The following TBC1D15 variants were observed in gnomAD, a reference collection of about 807,000 sequenced individuals.
The protein encoded by TBC1D15 is GAP for RAB7.
Under a neutral mutation model 95.4 loss-of-function variants are expected in TBC1D15, and 39 were observed. The observed-to-expected ratio is 0.41, with a 90% confidence interval of 0.32 to 0.53. The LOEUF is 0.53. Ranked by LOEUF, TBC1D15 falls within the 20% of genes least tolerant of loss-of-function variation. The pLI is 0.29. For synonymous variants in TBC1D15, 258 were observed against 261.3 expected (o/e 0.99, Z 0.12); for missense variants, 733 against 794.3 (o/e 0.92, Z 0.93).
At chr12:71,894,401 G>A (rs1447874011) in intron 6 of TBC1D15, 3 of 1,610,156 alleles carry the variant, frequency 1.9e-6, no homozygotes, top group South Asian at 2.2e-5. Flanking sequence ...GTTTTCTGAT[G>A]TATGCAGATT....
intron 16 of TBC1D15, 44 bp from the exon 17 acceptor site, chr12:71,922,939 C>T: frequency 6.3e-7 from 1 of 1,574,970 alleles, no homozygotes; most frequent in South Asian, 1.1e-5. Flanking sequence ...GTTATTTTTC[C>T]TCTGTAGTGA....
intron 6 of TBC1D15, chr12:71,894,322 A>T (rs758446477): frequency 1.2e-6 from 2 of 1,611,796 alleles, no homozygotes; most frequent in African/African-American, 2.7e-5. Context: ...TTTTTGTATG[A>T]AGGCAGGACT....
At chr12:71,913,950 T>G in intron 12 of TBC1D15, 24 bp downstream of exon 12, 1 of 1,516,966 alleles carries the variant, frequency 6.6e-7, no homozygotes, top group Non-Finnish European at 8.9e-7. Flanking sequence ...TTCCTTCCAT[T>G]AAACTGATTT....
At chr12:71,848,482 A>T (rs1004147755) in intron 1 of TBC1D15, among the ~76,000 whole-genome samples, 7 of 152,044 alleles carry the variant, frequency 4.6e-5, no homozygotes, top group African/African-American at 1.7e-4. Context: ...CTGTCCTTGT[A>T]TCTTCTTTGA....
rs557510655 is a variant in TBC1D15, at chr12:71,879,537, T to C, written c.205-932T>C. 2.0e-5 allele frequency among the ~76,000 whole-genome samples: 3 copies of C among 152,366 alleles called. No homozygotes were observed. In the East Asian group the frequency reaches 5.8e-4, roughly 29 times the overall value. On this transcript the variant is annotated intron_variant, in intron 3 of 16. Transcript: ENST00000485960. Reference sequence around the variant, plus strand: ...TTTAGAAAGACCTAGTTTGTCCTCCTGTGTCAGTAGTAATGAGCACTGTCA... The same window carrying C: ...TTTAGAAAGACCTAGTTTGTCCTCCCGTGTCAGTAGTAATGAGCACTGTCA...
intron 14 of TBC1D15, 28 bp downstream of exon 14, chr12:71,918,576 TG>T: frequency 7.5e-7 from 1 of 1,327,622 alleles, no homozygotes; most frequent in Non-Finnish European, 1.1e-6. Flanking sequence ...TATGCAAATG[TG>T]ATATTTATTA....
rs891065437 is a variant in TBC1D15 at position 71,923,887 on chromosome 12, CGACTT to C, written c.*686_*690del. Reference sequence around the variant, plus strand: ...GGCATATTTTCATTAACTGAATAAACGACTTGATTTATATAACCTGGTTTATCAAA... The same window carrying C: ...GGCATATTTTCATTAACTGAATAAACGATTTATATAACCTGGTTTATCAAA... On this transcript the variant is annotated 3_prime_UTR_variant, in exon 17 of 17. Coordinates refer to ENST00000485960, the MANE Select transcript of TBC1D15 (RefSeq NM_001146213.3). 1.7e-4 allele frequency: 26 copies of C among 152,406 alleles called. No individual in the cohort carries two copies. The highest frequency in any genetic ancestry group is 6.3e-4 in the African/African-American group (26 of 41,400). 9.4% of individuals were successfully genotyped at this position (152,406 alleles called of 1,614,324 possible).
chr12:71,897,162 T>C (rs545433850), intron 9 of TBC1D15: 35 of 157,384 alleles, frequency 2.2e-4, no homozygotes, highest in Admixed American at 1.5e-3. Context: ...ATTTGCTATT[T>C]AGATTAATTA....
intron 10 of TBC1D15, among the ~76,000 whole-genome samples, chr12:71,899,974 C>CA (rs1566041310): frequency 1.1e-4 from 16 of 151,238 alleles, no homozygotes; most frequent in African/African-American, 3.2e-4. Flanking sequence ...AAAACAAAAC[C>CA]AAAAAAAGTA....
chr12:71,923,131 C>CCA lies in TBC1D15; in HGVS notation c.1953_1954dup (p.Ser652ThrfsTer21). 2 of 1,614,184 alleles carry CCA rather than the reference C, an allele frequency of 1.2e-6. No individual in the cohort carries two copies. Among genetic ancestry groups the CCA allele is most frequent in the Non-Finnish European group, 1.7e-6 (2 of 1,180,042 alleles). ...AGTAATGCCTTGCCTACACTCTCTGCCAGTGGAGCCAGAAATGACAGCCCA... is the reference window on the plus strand; with the variant it reads ...AGTAATGCCTTGCCTACACTCTCTGCCACAGTGGAGCCAGAAATGACAGCCCA... On this transcript the variant is annotated frameshift_variant, in exon 17 of 17. Coordinates refer to ENST00000485960, the MANE Select transcript of TBC1D15 (RefSeq NM_001146213.3). LOFTEE classifies it high-confidence loss of function.
chr12:71,843,015 G>A (rs1385519746), intron 1 of TBC1D15, among the ~76,000 whole-genome samples: 1 of 151,296 alleles, frequency 6.6e-6, no homozygotes, highest in African/African-American at 2.4e-5. Context: ...GGCCGGGCAC[G>A]GTGGCTCATG....
intron 1 of TBC1D15, chr12:71,850,179 A>G (rs1268977332): frequency 3.5e-6 from 2 of 573,442 alleles, no homozygotes; most frequent in Non-Finnish European, 6.8e-6. Context: ...TACTCATTAC[A>G]TAGTGAAATC....
intron 1 of TBC1D15, among the ~76,000 whole-genome samples, chr12:71,856,359 A>G (rs933222316): frequency 3.9e-5 from 6 of 152,192 alleles, no homozygotes; most frequent in African/African-American, 1.4e-4. Flanking sequence ...GGTAACAGTC[A>G]TGAGAATGTA....
intron 3 of TBC1D15, among the ~76,000 whole-genome samples, chr12:71,880,108 C>T (rs547385431): frequency 1.3e-5 from 2 of 152,042 alleles, no homozygotes; most frequent in African/African-American, 2.4e-5. Flanking sequence ...AGGTTGGGAG[C>T]TTTTTGCAGT....
At chr12:71,891,086 A>G (rs1443412668) in intron 5 of TBC1D15, among the ~76,000 whole-genome samples, 1 of 152,022 alleles carries the variant, frequency 6.6e-6, no homozygotes, top group African/African-American at 2.4e-5. Context: ...GTACCTTTCT[A>G]TCTTTTATTC....
At chr12:71,873,206 T>C (rs1893057622) in intron 3 of TBC1D15, among the ~76,000 whole-genome samples, 1 of 152,230 alleles carries the variant, frequency 6.6e-6, no homozygotes. Flanking sequence ...TGTCAGCAGT[T>C]AACCCCTCAT....
intron 10 of TBC1D15, among the ~76,000 whole-genome samples, chr12:71,898,600 A>G (rs1162974550): frequency 1.3e-5 from 2 of 152,144 alleles, no homozygotes; most frequent in Non-Finnish European, 2.9e-5. Flanking sequence ...GACCTGTCCA[A>G]GGTCACACAT....
chr12:71,893,945 T>G (rs1487141608), intron 6 of TBC1D15, among the ~76,000 whole-genome samples: 2 of 151,078 alleles, frequency 1.3e-5, no homozygotes, highest in African/African-American at 4.9e-5. Flanking sequence ...ATGTAAAGAT[T>G]AATAAGATAT....
Position 71,857,133 on chromosome 12 carries a change from T to TG in TBC1D15, c.31-14930dup, listed in dbSNP as rs569665539. Among the ~76,000 whole-genome samples, 108 of 151,450 alleles carry TG rather than the reference T, an allele frequency of 7.1e-4. 3 individuals are homozygous for TG. The South Asian group carries it at 0.019, about 26-fold the overall frequency. ...TATTTTTTTTCTTAAGAGATGGGGG[T>TG]GGGGGGGCATCTTGCTTTACTGCCC... On this transcript the variant is annotated intron_variant, in intron 1 of 16. Transcript: ENST00000485960.
Sources: gnomAD v4.1 joint callset for allele counts (sites outside exome capture counted in the v4.1 genomes callset) on GRCh38, gnomAD v4.1.1 for gene constraint, MANE v1.5 for transcripts, NCBI Gene and HGNC (gene_info 2026-07-23, HGNC 2026-07-21) for gene names.